Variants in PSPC1 observed in about 807,000 individuals in gnomAD.
PSPC1 encodes paraspeckle protein 1.
Under a neutral mutation model 51.6 loss-of-function variants are expected in PSPC1, and 14 were observed. That is an observed-to-expected ratio of 0.27 (90% CI 0.18 to 0.42). The LOEUF (loss-of-function observed/expected upper bound fraction) is 0.42. Ranked by LOEUF, PSPC1 falls within the 10% of genes least tolerant of loss-of-function variation. The pLI is 1.00. For synonymous variants in PSPC1, 193 were observed against 231.9 expected (o/e 0.83, Z 1.53); for missense variants, 406 against 701.1 (o/e 0.58, Z 4.75).
At position 19,782,878 on chromosome 13, in the gene PSPC1, T is replaced by C; in HGVS notation, c.-121A>G. 1 of 1,200,544 alleles carries C rather than the reference T, an allele frequency of 8.3e-7. No individual in the cohort carries two copies. Among genetic ancestry groups the C allele is most frequent in the Non-Finnish European group, 1.1e-6 (1 of 924,462 alleles). The allele number at this position is 1,200,544 out of a possible 1,614,324, so 74.4% of individuals were successfully genotyped here. A position where few individuals can be genotyped will look rare whatever the true frequency, so the allele number is the denominator to read the frequency against. The stretch of plus-strand genomic sequence containing the variant: ...AAAATATCGACAATCAAGAGACCGC[T>C]AGGTAGGCGAGTCGGCAACCCGTCC... On this transcript the variant is annotated 5_prime_UTR_variant, in exon 1 of 9. Transcript: ENST00000338910. The surrounding 1 kb of genome is among the most constrained non-coding windows in gnomAD (Gnocchi z 4.5).
intron 4 of PSPC1, among the ~76,000 whole-genome samples, chr13:19,747,552 T>C (rs1886121838): frequency 6.6e-6 from 1 of 152,144 alleles, no homozygotes; most frequent in African/African-American, 2.4e-5. Context: ...AGGTTAGTCT[T>C]GAACTGCTGG....
intron 6 of PSPC1, among the ~76,000 whole-genome samples, chr13:19,718,709 TG>T (rs1229209229): frequency 1.1e-4 from 9 of 85,636 alleles, no homozygotes; most frequent in Middle Eastern, 5.8e-3. Context: ...GATTCATAAT[TG>T]CTAAAACCTG....
At chr13:19,687,282 T>C (rs971614075) in intron 6 of PSPC1, among the ~76,000 whole-genome samples, 1 of 152,182 alleles carries the variant, frequency 6.6e-6, no homozygotes, top group Non-Finnish European at 1.5e-5. Context: ...CTGTAACTCA[T>C]CAATGCAACT....
chr13:19,773,660 A>C (rs762632414), intron 1 of PSPC1, among the ~76,000 whole-genome samples: 1 of 150,792 alleles, frequency 6.6e-6, no homozygotes, highest in Non-Finnish European at 1.5e-5. Flanking sequence ...TTTTTTTTTC[A>C]GGGGAGGGAG....
At position 19,782,576 on chromosome 13, in the gene PSPC1, A is replaced by G; in HGVS notation, c.182T>C (p.Met61Thr). Reference protein sequence around the residue: ...APPEDHPDEEMGFTIDIKSFL... With the variant: ...APPEDHPDEETGFTIDIKSFL... ...ACTCTTGATGTCGATAGTGAACCCC[A>G]TCTCCTCGTCCGGGTGGTCCTCTGG... Residue 61 changes from methionine to threonine, a missense_variant, in exon 1 of 9, where the codon ATG becomes ACG. Physicochemically the swap from Met to Thr is moderately conservative, Grantham distance 81. Transcript: ENST00000338910. The surrounding 1 kb of genome is among the most constrained non-coding windows in gnomAD (Gnocchi z 4.5). 2 of 1,602,734 alleles carry G rather than the reference A, an allele frequency of 1.2e-6. No individual in the cohort carries two copies. Among genetic ancestry groups the G allele is most frequent in the Non-Finnish European group, 1.7e-6 (2 of 1,175,384 alleles).
At chr13:19,691,984 G>A (rs78016175) in intron 6 of PSPC1, among the ~76,000 whole-genome samples, 18,070 of 152,106 alleles carry the variant, frequency 0.12, 1,198 homozygotes, top group Middle Eastern at 0.16. Flanking sequence ...GTGAGCAAGC[G>A]GGGAGGGATG....
chr13:19,710,975 T>C (rs1354654201), intron 6 of PSPC1, among the ~76,000 whole-genome samples: 1 of 151,942 alleles, frequency 6.6e-6, no homozygotes, highest in Non-Finnish European at 1.5e-5. Context: ...ATAGATGGGA[T>C]GACAAGCATG....
chr13:19,773,819 AT>A (rs1171451647), intron 1 of PSPC1, among the ~76,000 whole-genome samples: 1 of 151,782 alleles, frequency 6.6e-6, no homozygotes, highest in Non-Finnish European at 1.5e-5. Context: ...AGCATGGCTA[AT>A]TTTTTAATTT....
chr13:19,772,860 A>G (rs1220996347), intron 1 of PSPC1, among the ~76,000 whole-genome samples: 12 of 152,188 alleles, frequency 7.9e-5, no homozygotes, highest in Admixed American at 7.9e-4. Flanking sequence ...TTAAGAACAC[A>G]TATTAACAAC....
chr13:19,692,990 G>C (rs1878748099), intron 6 of PSPC1, among the ~76,000 whole-genome samples: 2 of 151,968 alleles, frequency 1.3e-5, no homozygotes, highest in South Asian at 4.1e-4. Flanking sequence ...GTAATAATGG[G>C]GCTTATCCTT....
intron 2 of PSPC1, among the ~76,000 whole-genome samples, chr13:19,760,559 C>G (rs1347893955): frequency 6.6e-6 from 1 of 151,494 alleles, no homozygotes; most frequent in Non-Finnish European, 1.5e-5. Context: ...AGCTGAAAAT[C>G]CGACCTAAAA....
chr13:19,698,861 T>A (rs1879561343), downstream of PSPC1, among the ~76,000 whole-genome samples: 2 of 151,852 alleles, frequency 1.3e-5, no homozygotes, highest in South Asian at 4.1e-4. Context: ...AATTTCAGTA[T>A]CTTCAATCTG....
intron 6 of PSPC1, among the ~76,000 whole-genome samples, chr13:19,716,341 A>C (rs374608031): frequency 7.9e-5 from 12 of 152,298 alleles, no homozygotes; most frequent in African/African-American, 2.9e-4. Context: ...ATGACCACCT[A>C]AACTTGGGGA....
intron 8 of PSPC1, among the ~76,000 whole-genome samples, chr13:19,703,890 AGT>A (rs1025976148): frequency 2.2e-4 from 34 of 152,356 alleles, no homozygotes; most frequent in African/African-American, 7.7e-4. Context: ...AACTTCTGAG[AGT>A]GTTTTCCTTG....
intron 6 of PSPC1, among the ~76,000 whole-genome samples, chr13:19,714,607 G>C (rs1881864802): frequency 1.2e-5 from 1 of 82,474 alleles, no homozygotes; most frequent in Non-Finnish European, 3.4e-5. Flanking sequence ...CAATCCTCCT[G>C]CCTCAGCCTC....
At chr13:19,677,979 A>C in intron 6 of PSPC1, 1 of 331,920 alleles carries the variant, frequency 3.0e-6, no homozygotes, top group East Asian at 8.6e-5. Context: ...TTCAGTAAGG[A>C]TTTTCTTTTT....
intron 1 of PSPC1, among the ~76,000 whole-genome samples, chr13:19,780,846 G>C (rs1026013731): frequency 2.6e-5 from 4 of 152,108 alleles, no homozygotes; most frequent in African/African-American, 9.7e-5. Flanking sequence ...CGTCCAGACA[G>C]AGAACCCAAT....
At chr13:19,730,965 C>CAACA (rs1884009033) in intron 5 of PSPC1, among the ~76,000 whole-genome samples, 1 of 37,304 alleles carries the variant, frequency 2.7e-5, no homozygotes, top group African/African-American at 6.9e-5. Context: ...AACAAAAAAA[C>CAACA]AAAAAAAAAA....
At chr13:19,755,405 T>C (rs1036436486) in intron 3 of PSPC1, among the ~76,000 whole-genome samples, 9 of 151,960 alleles carry the variant, frequency 5.9e-5, no homozygotes, top group African/African-American at 1.2e-4. Flanking sequence ...CTGGCCAACA[T>C]AGTGAAACTC....
Sources: allele counts gnomAD v4.1 joint callset (sites outside exome capture counted in the v4.1 genomes callset), GRCh38; gene constraint gnomAD v4.1.1; non-coding constraint Gnocchi (gnomAD v3.1); transcripts MANE v1.5; gene names NCBI Gene and HGNC (gene_info 2026-07-23, HGNC 2026-07-21).